The following TMEM178B variants were observed in gnomAD, a reference collection of about 807,000 sequenced individuals.
TMEM178B encodes transmembrane protein 178B.
TMEM178B carries 5 observed loss-of-function variants against 31.0 expected under a neutral mutation model. The ratio of observed to expected loss-of-function variants is 0.16; its 90% CI spans 0.08 to 0.34. The LOEUF (loss-of-function observed/expected upper bound fraction) is 0.34, where lower values mean the gene tolerates loss of function less well. Among genes scored for constraint, TMEM178B ranks in the 10% least tolerant of loss-of-function variants. The pLI is 1.00. For synonymous variants in TMEM178B, 164 were observed against 164.0 expected (o/e 1.00, Z 0.00); for missense variants, 275 against 400.3 (o/e 0.69, Z 2.67).
At position 141,144,593 on chromosome 7, in the gene TMEM178B, C is replaced by T. The variant is rs571152294; in HGVS notation, c.383-67998C>T. On this transcript the variant is annotated intron_variant, in intron 1 of 3. Coordinates refer to ENST00000565468, the MANE Select transcript of TMEM178B (RefSeq NM_001195278.2). The stretch of plus-strand genomic sequence containing the variant: ...CCCAGACACAAACGATGCTGGGAGG[C>T]CTGAGCACTGGGGGTCGGAAGTGTT... Among the ~76,000 whole-genome samples the T allele has an allele frequency of 1.2e-4, 18 of 152,206 alleles. No homozygotes were observed. The South Asian group carries it at 3.7e-3, about 32-fold the overall frequency.
intron 1 of TMEM178B, among the ~76,000 whole-genome samples, chr7:141,182,220 A>C (rs1375780540): frequency 6.6e-6 from 1 of 152,160 alleles, no homozygotes; most frequent in Non-Finnish European, 1.5e-5. Flanking sequence ...GCCGGGCAGC[A>C]GCCTCAGGCC....
chr7:141,187,914 T>A (rs1484731706), intron 1 of TMEM178B, among the ~76,000 whole-genome samples: 2 of 152,204 alleles, frequency 1.3e-5, no homozygotes, highest in Non-Finnish European at 2.9e-5. Context: ...CTGATGATAG[T>A]TTCTTTTGCT....
intron 1 of TMEM178B, among the ~76,000 whole-genome samples, chr7:141,077,872 G>A (rs1794623335): frequency 6.6e-6 from 1 of 152,232 alleles, no homozygotes; most frequent in African/African-American, 2.4e-5. Context: ...TCTATGAAGG[G>A]ACGATTTCTT....
chr7:141,394,962 A>G (rs1300848255), intron 2 of TMEM178B, among the ~76,000 whole-genome samples: 8 of 152,146 alleles, frequency 5.3e-5, no homozygotes, highest in Non-Finnish European at 7.3e-5. Context: ...GTGACCACCT[A>G]TGATCCCTTT....
At chr7:141,255,426 G>A (rs187808472) in intron 2 of TMEM178B, among the ~76,000 whole-genome samples, 64 of 152,286 alleles carry the variant, frequency 4.2e-4, no homozygotes, top group East Asian at 2.5e-3. Context: ...GTTTCTAACC[G>A]TTTGATTTCA....
chr7:141,375,225 A>G (rs1455476265), intron 2 of TMEM178B, among the ~76,000 whole-genome samples: 4 of 152,174 alleles, frequency 2.6e-5, no homozygotes, highest in African/African-American at 7.2e-5. Flanking sequence ...AATTATGCCT[A>G]TGATTATATA....
chr7:141,254,382 C>T (rs934592192), intron 2 of TMEM178B, among the ~76,000 whole-genome samples: 3 of 152,172 alleles, frequency 2.0e-5, no homozygotes, highest in East Asian at 1.9e-4. Context: ...CTGCCCTCCT[C>T]GGCTTGTCTC....
intron 2 of TMEM178B, among the ~76,000 whole-genome samples, chr7:141,291,925 CATTT>C (rs1563142976): frequency 1.7e-5 from 1 of 58,200 alleles, no homozygotes; most frequent in Non-Finnish European, 3.2e-5. Flanking sequence ...TCATAGAGAT[CATTT>C]TTTTTTTTTT....
intron 2 of TMEM178B, among the ~76,000 whole-genome samples, chr7:141,317,148 C>G (rs1214360334): frequency 6.6e-6 from 1 of 152,056 alleles, no homozygotes; most frequent in African/African-American, 2.4e-5. Context: ...GTATTGCATA[C>G]AGAAGCAAGA....
intron 2 of TMEM178B, among the ~76,000 whole-genome samples, chr7:141,218,980 G>C (rs6464430): frequency 0.85 from 129,155 of 152,296 alleles, 55,011 homozygotes; most frequent in African/African-American, 0.91. Flanking sequence ...CACCTGGTCC[G>C]TCCTCCCCCA....
chr7:141,095,325 G>T (rs576999484), intron 1 of TMEM178B, among the ~76,000 whole-genome samples: 8 of 152,290 alleles, frequency 5.3e-5, no homozygotes, highest in African/African-American at 1.9e-4. Context: ...ATGCCATTTA[G>T]TTCCACCTGT....
chr7:141,156,195 A>G (rs1460252852), intron 1 of TMEM178B, among the ~76,000 whole-genome samples: 5 of 152,224 alleles, frequency 3.3e-5, no homozygotes, highest in African/African-American at 4.8e-5. Context: ...TGCTCTGCCA[A>G]TAACCAGCTC....
intron 2 of TMEM178B, among the ~76,000 whole-genome samples, chr7:141,380,587 G>GC (rs1800297058): frequency 2.0e-5 from 3 of 151,780 alleles, no homozygotes; most frequent in Non-Finnish European, 4.4e-5. Flanking sequence ...TTAAACTTGG[G>GC]GAAAAAAGAA....
intron 2 of TMEM178B, among the ~76,000 whole-genome samples, chr7:141,433,609 T>A (rs1586957262): frequency 6.6e-6 from 1 of 152,214 alleles, no homozygotes; most frequent in East Asian, 1.9e-4. Context: ...AACCCAGAAA[T>A]CTTTAATTGC....
chr7:141,124,184 T>C (rs1795452871), intron 1 of TMEM178B, among the ~76,000 whole-genome samples: 1 of 152,114 alleles, frequency 6.6e-6, no homozygotes, highest in South Asian at 2.1e-4. Flanking sequence ...CTGTCCAACA[T>C]GGCCAAACCC....
intron 1 of TMEM178B, among the ~76,000 whole-genome samples, chr7:141,208,014 AC>A (rs199670035): frequency 0.013 from 2,036 of 151,636 alleles, 44 homozygotes; most frequent in African/African-American, 0.047. Context: ...ATATAGTGAG[AC>A]CCCCATCTCT....
intron 2 of TMEM178B, among the ~76,000 whole-genome samples, chr7:141,382,440 G>T (rs1800335307): frequency 6.6e-6 from 1 of 152,116 alleles, no homozygotes; most frequent in Non-Finnish European, 1.5e-5. Flanking sequence ...TGTGAATATT[G>T]CTTGTTATTT....
intron 2 of TMEM178B, among the ~76,000 whole-genome samples, chr7:141,330,998 C>T (rs1443329450): frequency 6.6e-6 from 1 of 152,172 alleles, no homozygotes; most frequent in Non-Finnish European, 1.5e-5. Context: ...GCCTCCAAGC[C>T]TTTTTTGGTC....
intron 2 of TMEM178B, among the ~76,000 whole-genome samples, chr7:141,365,177 G>A (rs1389848674): frequency 1.3e-5 from 2 of 152,212 alleles, no homozygotes. Flanking sequence ...ATGCAGCTTT[G>A]AGAATGCTCC....
Sources: allele counts gnomAD v4.1 joint callset (sites outside exome capture counted in the v4.1 genomes callset), GRCh38; gene constraint gnomAD v4.1.1; transcripts MANE v1.5; gene names NCBI Gene and HGNC (gene_info 2026-07-23, HGNC 2026-07-21).